Variants in ADGB observed in about 807,000 individuals in gnomAD.
ADGB encodes the protein androglobin.
ADGB carries 172 observed loss-of-function variants against 210.5 expected under a neutral mutation model. The ratio of observed to expected loss-of-function variants is 0.82; its 90% CI spans 0.72 to 0.93. The LOEUF (loss-of-function observed/expected upper bound fraction) is 0.93. Ranked by LOEUF, ADGB falls within the 40% of genes least tolerant of loss-of-function variation. The pLI is 0.00. For synonymous variants in ADGB, 658 were observed against 662.7 expected (o/e 0.99, Z 0.11); for missense variants, 2,025 against 1,964.8 (o/e 1.03, Z -0.58).
intron 23 of ADGB, among the ~76,000 whole-genome samples, chr6:146,738,046 G>A (rs77393191): frequency 0.012 from 1,769 of 152,264 alleles, 26 homozygotes; most frequent in African/African-American, 0.04. Flanking sequence ...TTAAGAACAC[G>A]TAATTTGACA....
chr6:146,781,569 C>T (rs1223405879), intron 29 of ADGB, among the ~76,000 whole-genome samples: 2 of 151,136 alleles, frequency 1.3e-5, no homozygotes, highest in African/African-American at 2.4e-5. Flanking sequence ...AAATCAATAA[C>T]TTATCTTCCA....
At chr6:146,771,717 T>C (rs995504524) in intron 29 of ADGB, among the ~76,000 whole-genome samples, 17 of 152,246 alleles carry the variant, frequency 1.1e-4, no homozygotes, top group African/African-American at 4.1e-4. Flanking sequence ...GAATTAAATA[T>C]TTTATGCTAA....
chr6:146,803,359 C>CA (rs1414596147), intron 35 of ADGB: 96 of 1,607,014 alleles, frequency 6.0e-5, no homozygotes, highest in Non-Finnish European at 8.0e-5. Flanking sequence ...GTTCGACTGT[C>CA]ATGGTGTAAT....
At chr6:146,675,725 A>G (rs889946772) in intron 8 of ADGB, among the ~76,000 whole-genome samples, 4 of 152,138 alleles carry the variant, frequency 2.6e-5, no homozygotes, top group African/African-American at 9.7e-5. Flanking sequence ...TTGAAGAAGA[A>G]TATGTTTTGT....
chr6:146,618,681 C>A (rs1780839298), intron 1 of ADGB, among the ~76,000 whole-genome samples: 1 of 150,474 alleles, frequency 6.6e-6, no homozygotes, highest in African/African-American at 2.4e-5. Context: ...CTTTTGCTTT[C>A]ATTTTGTTTT....
chr6:146,768,938 C>A (rs1777614078), intron 28 of ADGB, 82 bp from the exon 29 acceptor site: 6 of 664,902 alleles, frequency 9.0e-6, no homozygotes, highest in South Asian at 3.3e-5. Context: ...CTGCATTTAT[C>A]ATGTACCTAG....
chr6:146,654,353 A>T, intron 4 of ADGB, 147 bp downstream of exon 4: 1 of 395,022 alleles, frequency 2.5e-6, no homozygotes, highest in East Asian at 4.7e-5. Context: ...CAAAAAATAT[A>T]TATGGGGGTG....
At chr6:146,697,255 G>T in intron 12 of ADGB, among the ~76,000 whole-genome samples, 1 of 152,164 alleles carries the variant, frequency 6.6e-6, no homozygotes, top group South Asian at 2.1e-4. Context: ...GCAATAACTG[G>T]TGTATTGGGT....
rs867399475 is a variant in ADGB at position 146,809,267 on chromosome 6, G to A, written c.4819-5765G>A. 5.9e-5 allele frequency among the ~76,000 whole-genome samples: 9 copies of A among 152,278 alleles called. 1 individual carries two copies. In the Middle Eastern group the frequency reaches 0.014, roughly 230 times the overall value. The stretch of plus-strand genomic sequence containing the variant: ...GTTGCCTAGGCTAGAGTGCAATGGC[G>A]CAATCTCGGCTCAATGCAAACCTCC... On this transcript the variant is annotated intron_variant, in intron 35 of 35. Transcript: ENST00000397944.
rs746192470 is a variant in ADGB, at chr6:146,666,952, G to T, written c.839+50G>T. The T allele has an allele frequency of 2.1e-4, 285 of 1,380,362 alleles. 1 individual carries two copies. Among genetic ancestry groups the T allele is most frequent in the Admixed American group, 2.6e-4 (12 of 46,094 alleles). 85.5% of individuals were successfully genotyped at this position (1,380,362 alleles called of 1,614,324 possible). On this transcript the variant is annotated intron_variant, in intron 7 of 35. Transcript: ENST00000397944. Reference sequence around the variant, plus strand: ...ATATCTATTTTTTTTATCTTCCCAAGATTTCTTTAAAATATTCCTAGCCTT... The same window carrying T: ...ATATCTATTTTTTTTATCTTCCCAATATTTCTTTAAAATATTCCTAGCCTT...
chr6:146,684,279 A>G (rs912457759), intron 9 of ADGB, among the ~76,000 whole-genome samples: 1 of 152,128 alleles, frequency 6.6e-6, no homozygotes. Flanking sequence ...GATTAAAAAA[A>G]CTGATTTTTA....
Position 146,601,564 on chromosome 6 carries a change from T to G in ADGB, c.74+2450T>G, listed in dbSNP as rs576471964. On this transcript the variant is annotated intron_variant, in intron 1 of 35. Coordinates refer to ENST00000397944, the MANE Select transcript of ADGB (RefSeq NM_024694.4). ...ATCAAAGTCTAGCAAGGCTCTAGTA[T>G]GATTGTTATTTAAAATACACCGGGA... Among the ~76,000 whole-genome samples, 4 of 152,350 alleles carry G rather than the reference T, an allele frequency of 2.6e-5. No homozygotes were observed. In the South Asian group the frequency reaches 8.3e-4, roughly 32 times the overall value.
intron 1 of ADGB, among the ~76,000 whole-genome samples, chr6:146,599,511 A>T (rs1455236434): frequency 6.6e-6 from 1 of 152,210 alleles, no homozygotes; most frequent in Non-Finnish European, 1.5e-5. Context: ...TGACAGACAG[A>T]CATGGACACA....
Position 146,664,356 on chromosome 6 carries a change from A to G in ADGB, c.752+16A>G, listed in dbSNP as rs1583580352. 2.6e-6 allele frequency: 4 copies of G among 1,531,366 alleles called. No homozygotes were observed. Among genetic ancestry groups the G allele is most frequent in the Non-Finnish European group, 1.8e-6 (2 of 1,139,704 alleles). The allele number at this position is 1,531,366 out of a possible 1,614,324, so 94.9% of individuals were successfully genotyped here. A position where few individuals can be genotyped will look rare whatever the true frequency, so the allele number is the denominator to read the frequency against. Reference sequence around the variant, plus strand: ...CAAATATTGAGTATGTAATGACACTATCACTCACATGAATAAAAAAAGCAA... The same window carrying G: ...CAAATATTGAGTATGTAATGACACTGTCACTCACATGAATAAAAAAAGCAA... On this transcript the variant is annotated intron_variant, in intron 6 of 35. Transcript: ENST00000397944.
At chr6:146,686,982 G>T (rs1776241548) in intron 10 of ADGB, among the ~76,000 whole-genome samples, 1 of 151,908 alleles carries the variant, frequency 6.6e-6, no homozygotes, top group African/African-American at 2.4e-5. Context: ...TATGCCTGGG[G>T]GGCACGTTGC....
At chr6:146,777,261 T>G (rs917706662) in intron 29 of ADGB, among the ~76,000 whole-genome samples, 2 of 152,012 alleles carry the variant, frequency 1.3e-5, no homozygotes, top group Non-Finnish European at 2.9e-5. Flanking sequence ...GAGACTTGAG[T>G]AAATTATATA....
At chr6:146,691,449 T>TATAA (rs1776317889) in intron 11 of ADGB, among the ~76,000 whole-genome samples, 159 bp downstream of exon 11, 4 of 55,928 alleles carry the variant, frequency 7.2e-5, no homozygotes, top group African/African-American at 6.8e-4. Context: ...TATAAAAATA[T>TATAA]ATATATATAA....
At chr6:146,642,644 C>A (rs931673742) in intron 2 of ADGB, among the ~76,000 whole-genome samples, 1 of 151,902 alleles carries the variant, frequency 6.6e-6, no homozygotes, top group Non-Finnish European at 1.5e-5. Flanking sequence ...TTATCTTTAG[C>A]AAACTAATGC....
At chr6:146,678,476 C>T (rs1776113318) in intron 9 of ADGB, among the ~76,000 whole-genome samples, 2 of 152,174 alleles carry the variant, frequency 1.3e-5, no homozygotes, top group Admixed American at 1.3e-4. Context: ...ATCCACCCAC[C>T]TTGGCCTCCC....
Sources: gnomAD v4.1 joint callset for allele counts (sites outside exome capture counted in the v4.1 genomes callset) on GRCh38, gnomAD v4.1.1 for gene constraint, MANE v1.5 for transcripts, NCBI Gene and HGNC (gene_info 2026-07-23, HGNC 2026-07-21) for gene names.